Variants in ESRRB observed in about 807,000 individuals in gnomAD.
ESRRB encodes the protein steroid hormone receptor ERR2.
A neutral mutation model predicts 46.0 loss-of-function variants in ESRRB; 16 were observed. The ratio of observed to expected loss-of-function variants is 0.35; its 90% CI spans 0.24 to 0.53. The LOEUF is 0.53. ESRRB is among the 20% of genes least tolerant of loss of function. ESRRB has a pLI of 0.93. For synonymous variants in ESRRB, 246 were observed against 259.6 expected (o/e 0.95, Z 0.50); for missense variants, 488 against 607.4 (o/e 0.80, Z 2.07).
intron 1 of ESRRB, among the ~76,000 whole-genome samples, chr14:76,434,967 AGCCTTTTCCTTCTCCG>A (rs1887611077): frequency 6.6e-6 from 1 of 151,980 alleles, no homozygotes; most frequent in Non-Finnish European, 1.5e-5. Flanking sequence ...TCTGAGCTCC[AGCCTTTTCCTTCTCCG>A]AGGACTCAAG....
intron 1 of ESRRB, among the ~76,000 whole-genome samples, chr14:76,434,716 G>A (rs948051766): frequency 6.6e-6 from 1 of 152,088 alleles, no homozygotes; most frequent in Non-Finnish European, 1.5e-5. Context: ...AGGATTCCAG[G>A]GTTTGGAACT....
chr14:76,387,288 A>G (rs181024299), intron 1 of ESRRB, among the ~76,000 whole-genome samples: 5 of 152,262 alleles, frequency 3.3e-5, no homozygotes, highest in Admixed American at 2.6e-4. Context: ...AAACACAACC[A>G]TTGTTTTAAG....
rs142251664 is a variant in ESRRB at position 76,465,176 on chromosome 14, G to A, written c.577+2515G>A. Among the ~76,000 whole-genome samples, 18 of 151,986 alleles carry A rather than the reference G, an allele frequency of 1.2e-4. No individual in the cohort carries two copies. The East Asian group carries it at 3.1e-3, about 26-fold the overall frequency. Reference sequence around the variant, plus strand: ...TGGAGCCCTACAGGGGCTGGGGTGAGATGACTCCTACCCTCAGTCACACAT... The same window carrying A: ...TGGAGCCCTACAGGGGCTGGGGTGAAATGACTCCTACCCTCAGTCACACAT... On this transcript the variant is annotated intron_variant, in intron 3 of 6. Coordinates refer to ENST00000644823, the MANE Select transcript of ESRRB (RefSeq NM_001379180.1).
chr14:76,380,175 T>C (rs949657470), intron 1 of ESRRB, among the ~76,000 whole-genome samples: 1 of 152,210 alleles, frequency 6.6e-6, no homozygotes, highest in East Asian at 1.9e-4. Context: ...TTGAGAAAGT[T>C]TGTCCCCTTC....
chr14:76,370,321 T>C (rs978570804), upstream of ESRRB, among the ~76,000 whole-genome samples: 2 of 151,232 alleles, frequency 1.3e-5, no homozygotes, highest in African/African-American at 4.9e-5. Flanking sequence ...TTACTTGAAC[T>C]CGGGAGACGG....
intron 1 of ESRRB, among the ~76,000 whole-genome samples, chr14:76,428,608 G>T (rs538664410): frequency 6.6e-5 from 10 of 152,222 alleles, no homozygotes; most frequent in Admixed American, 1.3e-4. Flanking sequence ...GTTTCAAAAA[G>T]CCAGCAGTGG....
chr14:76,350,382 A>G (rs1037725470), intron 1 of ESRRB, among the ~76,000 whole-genome samples: 3 of 152,108 alleles, frequency 2.0e-5, no homozygotes, highest in Non-Finnish European at 4.4e-5. Flanking sequence ...CTACCTTCCT[A>G]GAGAGACAGG....
chr14:76,326,931 C>T (rs1351804337), intron 1 of ESRRB, among the ~76,000 whole-genome samples: 2 of 152,274 alleles, frequency 1.3e-5, no homozygotes, highest in African/African-American at 4.8e-5. Flanking sequence ...GCAGCCACGC[C>T]TGGGCCCAGC....
At chr14:76,470,300 AC>A (rs2140008130) in intron 3 of ESRRB, among the ~76,000 whole-genome samples, 1 of 152,028 alleles carries the variant, frequency 6.6e-6, no homozygotes, top group Admixed American at 6.5e-5. Context: ...CACAAACCAA[AC>A]CAAACCCCAA....
chr14:76,379,860 C>CAAAA (rs34925535), intron 1 of ESRRB, among the ~76,000 whole-genome samples: 7 of 127,078 alleles, frequency 5.5e-5, no homozygotes, highest in African/African-American at 1.5e-4. Context: ...AGATCTGTTC[C>CAAAA]AAAAAAAAAA....
At chr14:76,391,477 A>G (rs993684837) in intron 1 of ESRRB, among the ~76,000 whole-genome samples, 1 of 152,274 alleles carries the variant, frequency 6.6e-6, no homozygotes, top group African/African-American at 2.4e-5. Context: ...TGTACAGGCC[A>G]GAAGCTGCAG....
chr14:76,407,612 T>A (rs1158493374), intron 1 of ESRRB: 1 of 985,672 alleles, frequency 1.0e-6, no homozygotes, highest in Non-Finnish European at 1.2e-6. Context: ...TTGGGTCCAG[T>A]CGGGCCAGCA....
chr14:76,400,843 T>A (rs933497098), intron 1 of ESRRB, among the ~76,000 whole-genome samples: 4 of 152,210 alleles, frequency 2.6e-5, no homozygotes, highest in African/African-American at 9.7e-5. Context: ...CTCTTCCCAT[T>A]GGTGCTCTGC....
At chr14:76,469,944 CTT>C (rs1178018542) in intron 3 of ESRRB, among the ~76,000 whole-genome samples, 2 of 73,066 alleles carry the variant, frequency 2.7e-5, no homozygotes, top group Non-Finnish European at 5.5e-5. Flanking sequence ...TTTTTTTTTT[CTT>C]TTTTTTTTTT....
chr14:76,380,038 C>G lies in ESRRB; in HGVS notation c.50+3587C>G, dbSNP rs537359860. On this transcript the variant is annotated intron_variant, in intron 1 of 6. Transcript: ENST00000644823. ...CGGTGACAGAGATTTCATGTCACAC[C>G]CTGCCTTCTCAGAGCACCCCTGGCC... Among the ~76,000 whole-genome samples the G allele has an allele frequency of 9.9e-5, 15 of 152,098 alleles. No homozygotes were observed. The South Asian group carries it at 1.0e-3, about 11-fold the overall frequency.
chr14:76,358,412 A>AAAG (rs1884423582), intron 1 of ESRRB, among the ~76,000 whole-genome samples: 1 of 147,490 alleles, frequency 6.8e-6, no homozygotes, highest in African/African-American at 2.5e-5. Flanking sequence ...AGAAAGAAAG[A>AAAG]AAAGAAAAGA....
At position 76,501,381 on chromosome 14, in the gene ESRRB, T is replaced by C. The variant is rs1890652147; in HGVS notation, c.*2923T>C. 6.6e-6 allele frequency: 1 copy of C among 152,420 alleles called. No homozygotes were observed. Among genetic ancestry groups the C allele is most frequent in the African/African-American group, 2.4e-5 (1 of 41,432 alleles). The allele number at this position is 152,420 out of a possible 1,614,324, so 9.4% of individuals were successfully genotyped here. A position where few individuals can be genotyped will look rare whatever the true frequency, so the allele number is the denominator to read the frequency against. ...TAGGGAACTTCCTCGGGCCACACTT[T>C]AAGAACCAAGTAAGAGGCTCTCAAG... On this transcript the variant is annotated 3_prime_UTR_variant, in exon 7 of 7. Transcript: ENST00000644823.
chr14:76,317,651 C>T (rs182541452), intron 1 of ESRRB, among the ~76,000 whole-genome samples: 4 of 152,276 alleles, frequency 2.6e-5, no homozygotes, highest in East Asian at 3.9e-4. Flanking sequence ...CTTCCGCCCG[C>T]GGGCTCCGGT....
chr14:76,326,902 T>G (rs1883936429), intron 1 of ESRRB, among the ~76,000 whole-genome samples: 1 of 152,254 alleles, frequency 6.6e-6, no homozygotes, highest in Non-Finnish European at 1.5e-5. Context: ...CCAGGGTGCA[T>G]AGGCCACCAT....
Sources: allele counts gnomAD v4.1 joint callset (sites outside exome capture counted in the v4.1 genomes callset), GRCh38; gene constraint gnomAD v4.1.1; transcripts MANE v1.5; gene names NCBI Gene and HGNC (gene_info 2026-07-23, HGNC 2026-07-21).